LIN54: variants seen among roughly 807,000 people sequenced by gnomAD.
LIN54 encodes protein lin-54 homolog.
A neutral mutation model predicts 78.7 loss-of-function variants in LIN54; 9 were observed. The observed-to-expected ratio is 0.11, with a 90% confidence interval of 0.07 to 0.20. LIN54 has a LOEUF of 0.20. LIN54 is among the 10% of genes least tolerant of loss of function. The pLI is 1.00. For missense variants in LIN54, 573 were observed against 889.9 expected (o/e 0.64, Z 4.53); for synonymous variants, 269 against 318.4 (o/e 0.84, Z 1.65).
chr4:82,995,768 G>A (rs1227704257), intron 1 of LIN54, among the ~76,000 whole-genome samples: 2 of 151,648 alleles, frequency 1.3e-5, no homozygotes, highest in Admixed American at 1.3e-4. Context: ...CAAAGTGCTG[G>A]GATTACAGGC....
chr4:82,977,266 G>C (rs547421275), intron 3 of LIN54, among the ~76,000 whole-genome samples: 1 of 152,166 alleles, frequency 6.6e-6, no homozygotes, highest in South Asian at 2.1e-4. Context: ...AAATCTCCAA[G>C]GGGACTGGTG....
chr4:82,951,404 T>C (rs1042342657), intron 4 of LIN54, among the ~76,000 whole-genome samples: 3 of 152,282 alleles, frequency 2.0e-5, no homozygotes, highest in Non-Finnish European at 4.4e-5. Context: ...GGTGTATTAG[T>C]ATCCATGGTA....
At chr4:82,956,627 T>A (rs1331571195) in intron 4 of LIN54, among the ~76,000 whole-genome samples, 1 of 152,080 alleles carries the variant, frequency 6.6e-6, no homozygotes, top group Non-Finnish European at 1.5e-5. Context: ...AAATAACAAT[T>A]TTTAAAAAGG....
intron 11 of LIN54, among the ~76,000 whole-genome samples, chr4:82,932,825 C>CA (rs1221962404): frequency 4.1e-4 from 62 of 151,644 alleles, no homozygotes; most frequent in South Asian, 1.5e-3. Context: ...AACACCATCT[C>CA]AAAAAAATAT....
chr4:82,975,578 G>A (rs1726097271), intron 3 of LIN54, among the ~76,000 whole-genome samples: 1 of 151,878 alleles, frequency 6.6e-6, no homozygotes, highest in Non-Finnish European at 1.5e-5. Context: ...CGGGCATAGT[G>A]GCAGGCACCT....
intron 1 of LIN54, among the ~76,000 whole-genome samples, chr4:83,008,543 T>C (rs1244668016): frequency 6.6e-6 from 1 of 152,106 alleles, no homozygotes; most frequent in Non-Finnish European, 1.5e-5. Flanking sequence ...TCCCAGCTAC[T>C]CAGGGGGCTG....
chr4:82,925,893 T>A lies in LIN54; in HGVS notation c.*2209A>T, dbSNP rs979773507. 6.6e-6 allele frequency: 1 copy of A among 152,634 alleles called. No homozygotes were observed. The highest frequency in any genetic ancestry group is 2.4e-5 in the African/African-American group (1 of 41,462). 9.5% of individuals were successfully genotyped at this position (152,634 alleles called of 1,614,324 possible). On this transcript the variant is annotated 3_prime_UTR_variant, in exon 13 of 13. Coordinates refer to ENST00000340417, the MANE Select transcript of LIN54 (RefSeq NM_194282.4). ...ACCCAACCCTCCCCAAATAGTCTTT[T>A]AAAATCATTGAATTAATGTGGCTAT...
intron 7 of LIN54, among the ~76,000 whole-genome samples, chr4:82,939,243 A>C (rs1004835563): frequency 6.6e-6 from 1 of 152,018 alleles, no homozygotes; most frequent in Non-Finnish European, 1.5e-5. Flanking sequence ...ATTCATTTGG[A>C]CTCTGCTGAT....
At chr4:82,936,700 G>C (rs1194590215) in intron 9 of LIN54, among the ~76,000 whole-genome samples, 1 of 151,910 alleles carries the variant, frequency 6.6e-6, no homozygotes, top group Non-Finnish European at 1.5e-5. Flanking sequence ...TGCCCCCAAA[G>C]TAAGGCATTT....
intron 1 of LIN54, among the ~76,000 whole-genome samples, chr4:83,001,857 A>AAGG (rs1728810409): frequency 1.9e-4 from 1 of 5,134 alleles, no homozygotes; most frequent in African/African-American, 2.8e-4. Flanking sequence ...CAAAAAAAAA[A>AAGG]AAAGGATAGG....
At position 82,927,679 on chromosome 4, in the gene LIN54, T is replaced by G. The variant is rs1721590831; in HGVS notation, c.*423A>C. ...TGTGTTTCATAAGAATTTGTTTATG[T>G]AACATTCTGTCTGCAGATATTCTAG... On this transcript the variant is annotated 3_prime_UTR_variant, in exon 13 of 13. Coordinates refer to ENST00000340417, the MANE Select transcript of LIN54 (RefSeq NM_194282.4). The G allele has an allele frequency of 6.4e-6, 1 of 156,472 alleles. No homozygotes were observed. The highest frequency in any genetic ancestry group is 6.3e-5 in the Admixed American group (1 of 15,750). 9.7% of individuals were successfully genotyped at this position (156,472 alleles called of 1,614,324 possible).
chr4:83,005,626 G>GAAA (rs34604804), intron 1 of LIN54, among the ~76,000 whole-genome samples: 2,149 of 104,538 alleles, frequency 0.021, 25 homozygotes, highest in Non-Finnish European at 0.03. Context: ...CTCCATCTCA[G>GAAA]AAAAAAAAAA....
chr4:83,009,797 G>C (rs1217166801), intron 1 of LIN54, among the ~76,000 whole-genome samples: 1 of 152,196 alleles, frequency 6.6e-6, no homozygotes, highest in African/African-American at 2.4e-5. Flanking sequence ...AGGACCAAAA[G>C]AGAGCTCCTA....
chr4:82,975,140 T>C (rs1309619038), intron 3 of LIN54, among the ~76,000 whole-genome samples: 2 of 151,912 alleles, frequency 1.3e-5, no homozygotes, highest in African/African-American at 2.4e-5. Context: ...GGTGGATCAC[T>C]TGAGGTCATA....
rs528699946 is a variant in LIN54 at position 82,987,854 on chromosome 4, T to C, written c.-32-2978A>G. Among the ~76,000 whole-genome samples the C allele has an allele frequency of 3.2e-4, 48 of 152,360 alleles. 1 individual carries two copies. The highest frequency in any genetic ancestry group is 8.8e-5 in the Non-Finnish European group (6 of 68,042). On this transcript the variant is annotated intron_variant, in intron 1 of 12. Coordinates refer to ENST00000340417, the MANE Select transcript of LIN54 (RefSeq NM_194282.4). ...TGCAATAAACATATGTGTGCATGTG[T>C]CTTTATAGTAGAATGATTTATATTC...
chr4:82,954,142 C>A (rs1302468178), intron 4 of LIN54, among the ~76,000 whole-genome samples: 2 of 151,586 alleles, frequency 1.3e-5, no homozygotes, highest in African/African-American at 4.8e-5. Flanking sequence ...GACTCAAAAA[C>A]TAAAAATTCA....
At chr4:82,980,452 T>C (rs1350550780) in intron 2 of LIN54, among the ~76,000 whole-genome samples, 1 of 152,186 alleles carries the variant, frequency 6.6e-6, no homozygotes, top group African/African-American at 2.4e-5. Context: ...ATTAGCTCTT[T>C]GTGCTCAAAT....
At chr4:83,003,457 A>G (rs1180973552) in intron 1 of LIN54, 1 of 152,214 alleles carries the variant, frequency 6.6e-6, no homozygotes, top group Admixed American at 6.6e-5. Context: ...TTTCCCAGAG[A>G]AGACTGGTAT....
intron 1 of LIN54, among the ~76,000 whole-genome samples, chr4:82,999,635 G>C (rs1351419085): frequency 6.6e-6 from 1 of 151,800 alleles, no homozygotes; most frequent in East Asian, 1.9e-4. Context: ...AAAATTAGCT[G>C]TGCACGGTGG....
Sources: gnomAD v4.1 joint callset for allele counts (sites outside exome capture counted in the v4.1 genomes callset) on GRCh38, gnomAD v4.1.1 for gene constraint, MANE v1.5 for transcripts, NCBI Gene and HGNC (gene_info 2026-07-23, HGNC 2026-07-21) for gene names.